NAALADL2: variants seen among roughly 807,000 people sequenced by gnomAD.
NAALADL2 encodes inactive N-acetylated-alpha-linked acidic dipeptidase-like protein 2.
A neutral mutation model predicts 87.2 loss-of-function variants in NAALADL2; 76 were observed. The observed-to-expected ratio is 0.87, with a 90% CI of 0.72 to 1.05. The LOEUF is 1.05. NAALADL2 is among the 50% of genes least tolerant of loss of function. The pLI is 0.00. For synonymous variants in NAALADL2, 354 were observed against 331.0 expected (o/e 1.07, Z -0.75); for missense variants, 1,089 against 945.8 (o/e 1.15, Z -1.99).
At position 175,177,006 on chromosome 3, in the gene NAALADL2, CTG is replaced by C. The variant is rs1417559816; in HGVS notation, c.546-56920_546-56919del. ...CGTATATAGAAGAATAAACCGTAGA[CTG>C]TGTGAAAGAAGGCAAGGCAAAGTTT... On this transcript the variant is annotated intron_variant, in intron 2 of 13. Transcript: ENST00000454872. 4.6e-5 allele frequency among the ~76,000 whole-genome samples: 7 copies of C among 152,206 alleles called. No homozygotes were observed. The South Asian group carries it at 1.2e-3, about 27-fold the overall frequency.
intron 6 of NAALADL2, among the ~76,000 whole-genome samples, chr3:175,455,504 G>T (rs200140671): frequency 6.6e-6 from 1 of 151,870 alleles, no homozygotes; most frequent in East Asian, 1.9e-4. Context: ...TCTCATATTC[G>T]TATTATTTAA....
rs199774985 is a variant in NAALADL2, at chr3:174,680,038, ATG to A, written c.-114-57599_-114-57598del. On this transcript the variant is annotated intron_variant, in intron 2 of 3. Transcript: ENST00000434257. ...GTATTGTGTTTTTCTTAATATCAAA[ATG>A]TGTTTTTTATTTTTGACACACACTA... 8.3e-3 allele frequency among the ~76,000 whole-genome samples: 1,270 copies of A among 152,256 alleles called. 14 individuals carry two copies. Among genetic ancestry groups the A allele is most frequent in the South Asian group, 0.013 (65 of 4,832 alleles).
intron 2 of NAALADL2, among the ~76,000 whole-genome samples, chr3:174,713,127 A>G (rs939417678): frequency 6.6e-6 from 1 of 152,240 alleles, no homozygotes; most frequent in Non-Finnish European, 1.5e-5. Flanking sequence ...TACAAAGGAC[A>G]TAAACTCATC....
chr3:174,642,317 A>G (rs1723281182), intron 2 of NAALADL2, among the ~76,000 whole-genome samples: 1 of 150,120 alleles, frequency 6.7e-6, no homozygotes, highest in Non-Finnish European at 1.5e-5. Context: ...CCTGGCCAAC[A>G]TGGTGAAACC....
intron 1 of NAALADL2, among the ~76,000 whole-genome samples, chr3:174,907,370 T>A (rs561099704): frequency 6.6e-6 from 1 of 152,132 alleles, no homozygotes; most frequent in Non-Finnish European, 1.5e-5. Context: ...GATTCCTTGA[T>A]CATAAATTTA....
chr3:175,652,431 C>T (rs546096066), intron 11 of NAALADL2, among the ~76,000 whole-genome samples: 1 of 151,924 alleles, frequency 6.6e-6, no homozygotes, highest in East Asian at 1.9e-4. Context: ...TTAAAATGTG[C>T]CATAGTAATA....
At position 174,874,322 on chromosome 3, in the gene NAALADL2, G is replaced by T. The variant is rs115949452; in HGVS notation, c.43+14872G>T. On this transcript the variant is annotated intron_variant, in intron 1 of 13. Transcript: ENST00000454872. ...TCCTATATGAGAACAGAATATCAAT[G>T]CTTCTTGACTACAGTCTCCCCTACT... Among the ~76,000 whole-genome samples the T allele has an allele frequency of 7.5e-3, 1,140 of 152,270 alleles. 9 individuals carry two copies. The highest frequency in any genetic ancestry group is 0.014 in the Middle Eastern group (4 of 292).
chr3:175,628,146 A>G (rs1582684943), intron 11 of NAALADL2, among the ~76,000 whole-genome samples: 2 of 151,752 alleles, frequency 1.3e-5, no homozygotes, highest in East Asian at 3.9e-4. Flanking sequence ...GAAATCCTAC[A>G]TCAAGTACCC....
intron 4 of NAALADL2, among the ~76,000 whole-genome samples, chr3:175,320,105 A>C (rs949898843): frequency 6.6e-6 from 1 of 152,144 alleles, no homozygotes; most frequent in East Asian, 1.9e-4. Flanking sequence ...GTTCTCCTTT[A>C]TTATCTTTAT....
At chr3:175,460,012 T>A (rs1722875711) in intron 6 of NAALADL2, 1 of 325,412 alleles carries the variant, frequency 3.1e-6, no homozygotes, top group Admixed American at 4.3e-5. Flanking sequence ...CTGTTTCACA[T>A]GTTTATGTTG....
At chr3:175,738,254 CT>C (rs954569883) in intron 12 of NAALADL2, among the ~76,000 whole-genome samples, 1 of 149,270 alleles carries the variant, frequency 6.7e-6, no homozygotes. Flanking sequence ...TTTTTTTTTT[CT>C]TTTTTTTTGA....
rs894290484 is a variant in NAALADL2 at position 174,859,378 on chromosome 3, G to A, written c.-30G>A. 8.8e-6 allele frequency: 14 copies of A among 1,583,104 alleles called. No individual in the cohort carries two copies. Among genetic ancestry groups the A allele is most frequent in the Admixed American group, 1.7e-5 (1 of 57,790 alleles). On this transcript the variant is annotated 5_prime_UTR_variant, in exon 1 of 14. Transcript: ENST00000454872. ...AGGGTAAGTGACACAACTTGAAACT[G>A]CTTGGCCCTCTTTAAAAAGAAATAA... is the stretch of plus-strand genomic sequence containing the variant.
At chr3:175,717,349 T>C (rs929753919) in intron 11 of NAALADL2, among the ~76,000 whole-genome samples, 3 of 152,122 alleles carry the variant, frequency 2.0e-5, no homozygotes, top group Non-Finnish European at 2.9e-5. Flanking sequence ...CTAAGAACGA[T>C]TCAGCCTTAG....
At chr3:175,114,293 C>T (rs1580521948) in intron 2 of NAALADL2, among the ~76,000 whole-genome samples, 1 of 151,718 alleles carries the variant, frequency 6.6e-6, no homozygotes, top group East Asian at 1.9e-4. Flanking sequence ...TGATTGTTAA[C>T]ACTTGGGTTT....
intron 2 of NAALADL2, among the ~76,000 whole-genome samples, chr3:174,673,307 AAAG>A (rs1259899026): frequency 1.3e-5 from 2 of 152,030 alleles, no homozygotes; most frequent in Non-Finnish European, 1.5e-5. Flanking sequence ...TAAATTTCAT[AAAG>A]AAGAATAAAT....
At chr3:175,755,052 TGC>T (rs1332508297) in intron 12 of NAALADL2, among the ~76,000 whole-genome samples, 166 bp from the exon 13 acceptor site, 1 of 152,134 alleles carries the variant, frequency 6.6e-6, no homozygotes, top group Non-Finnish European at 1.5e-5. Context: ...CATATACCCT[TGC>T]TTTTGTCAAG....
At chr3:175,583,468 G>A (rs1028226535) in intron 10 of NAALADL2, among the ~76,000 whole-genome samples, 5 of 138,624 alleles carry the variant, frequency 3.6e-5, no homozygotes, top group Non-Finnish European at 7.6e-5. Flanking sequence ...CTATATTTAC[G>A]ACAATCTGAA....
intron 3 of NAALADL2, among the ~76,000 whole-genome samples, chr3:174,832,303 G>A (rs1323940363): frequency 6.6e-6 from 1 of 151,878 alleles, no homozygotes; most frequent in Non-Finnish European, 1.5e-5. Flanking sequence ...ATTCTGGTAT[G>A]TTTTGTCTTT....
At chr3:175,148,786 G>A (rs1015436030) in intron 2 of NAALADL2, among the ~76,000 whole-genome samples, 3 of 152,018 alleles carry the variant, frequency 2.0e-5, no homozygotes, top group African/African-American at 7.2e-5. Context: ...TCTGTATTTG[G>A]TTCCATTGGT....
Sources: gnomAD v4.1 joint callset for allele counts (sites outside exome capture counted in the v4.1 genomes callset) on GRCh38, gnomAD v4.1.1 for gene constraint, MANE v1.5 for transcripts, NCBI Gene and HGNC (gene_info 2026-07-23, HGNC 2026-07-21) for gene names.